The following PCNX2 variants were observed in gnomAD, a reference collection of about 807,000 sequenced individuals.
The protein encoded by PCNX2 is pecanex 2, also known as pecanex-like protein 2.
In PCNX2, 168 loss-of-function variants were observed where a neutral mutation model predicts 223.8. The ratio of observed to expected loss-of-function variants is 0.75; its 90% confidence interval spans 0.66 to 0.85. The LOEUF (loss-of-function observed/expected upper bound fraction) is 0.85. Ranked by LOEUF, PCNX2 falls within the 40% of genes least tolerant of loss-of-function variation. The pLI, the probability that PCNX2 is intolerant of heterozygous loss-of-function variation, is 0.00. For missense variants in PCNX2, 2,507 were observed against 2,675.5 expected (o/e 0.94, Z 1.39); for synonymous variants, 1,006 against 1,052.6 (o/e 0.96, Z 0.86).
At chr1:233,166,083 C>T (rs1003028766) in intron 17 of PCNX2, among the ~76,000 whole-genome samples, 8 of 151,714 alleles carry the variant, frequency 5.3e-5, no homozygotes, top group South Asian at 2.1e-4. Context: ...AATTGATTTT[C>T]GACAAAAGTG....
intron 15 of PCNX2, among the ~76,000 whole-genome samples, chr1:233,191,361 C>T (rs1186258718): frequency 2.0e-5 from 3 of 152,148 alleles, no homozygotes; most frequent in African/African-American, 7.2e-5. Context: ...TGCATGTTTC[C>T]GTTTCCATTA....
At chr1:233,143,210 G>A (rs1290227445) in intron 19 of PCNX2, among the ~76,000 whole-genome samples, 3 of 152,152 alleles carry the variant, frequency 2.0e-5, no homozygotes, top group African/African-American at 7.2e-5. Flanking sequence ...ACTTAGCCAT[G>A]CAGACAATAT....
At chr1:232,986,705 C>T (rs1476319700) in intron 32 of PCNX2, among the ~76,000 whole-genome samples, 165 bp from the exon 33 acceptor site, 2 of 152,288 alleles carry the variant, frequency 1.3e-5, no homozygotes, top group Non-Finnish European at 1.5e-5. Flanking sequence ...GCCTCACCCA[C>T]TCCCTCCCGC....
chr1:232,987,359 T>C (rs1050480035), intron 32 of PCNX2, among the ~76,000 whole-genome samples: 1 of 152,262 alleles, frequency 6.6e-6, no homozygotes, highest in African/African-American at 2.4e-5. Flanking sequence ...GGTTCAGCTT[T>C]GCAGTCTAAG....
chr1:233,273,093 A>G (rs1660728785), intron 1 of PCNX2, among the ~76,000 whole-genome samples: 1 of 151,940 alleles, frequency 6.6e-6, no homozygotes, highest in African/African-American at 2.4e-5. Flanking sequence ...AATCACCACT[A>G]AAGAACTTAC....
At chr1:233,325,414 T>C in the PCNX2 span, among the ~76,000 whole-genome samples, 1 of 151,694 alleles carries the variant, frequency 6.6e-6, no homozygotes, top group African/African-American at 2.4e-5. Context: ...ATCCCAGCAC[T>C]TTGGGAGGCC....
At chr1:233,067,011 A>G (rs1283790937) in intron 23 of PCNX2, among the ~76,000 whole-genome samples, 1 of 152,082 alleles carries the variant, frequency 6.6e-6, no homozygotes, top group Non-Finnish European at 1.5e-5. Flanking sequence ...TCCCATCTCA[A>G]GAGTCAATAG....
intron 23 of PCNX2, among the ~76,000 whole-genome samples, chr1:233,084,841 C>G (rs934060141): frequency 6.6e-6 from 1 of 152,154 alleles, no homozygotes; most frequent in African/African-American, 2.4e-5. Context: ...ACACAAAGCA[C>G]TATTATACAC....
At chr1:233,219,780 C>T (rs750232635) in intron 10 of PCNX2, among the ~76,000 whole-genome samples, 1 of 152,080 alleles carries the variant, frequency 6.6e-6, no homozygotes, top group Non-Finnish European at 1.5e-5. Flanking sequence ...AACATTAACA[C>T]ATCATTATCC....
chr1:233,207,352 T>G (rs1681535573), intron 13 of PCNX2, among the ~76,000 whole-genome samples: 1 of 152,148 alleles, frequency 6.6e-6, no homozygotes, highest in Admixed American at 6.5e-5. Context: ...TTGAGTAAGA[T>G]TTCCAGCTGG....
chr1:233,258,754 G>C lies in PCNX2; in HGVS notation c.1108C>G (p.Leu370Val). The C allele has an allele frequency of 6.2e-7, 1 of 1,613,872 alleles. No homozygotes were observed. Among genetic ancestry groups the C allele is most frequent in the Non-Finnish European group, 8.5e-7 (1 of 1,179,882 alleles). The change falls in exon 5 of 34, where the codon CTA (leucine) becomes GTA (valine). Residue 370 changes from leucine (L) to valine (V), a missense_variant. By Grantham distance (32) the Leu-to-Val change is conservative. Around this residue, in one of 3 missense-constraint regions of PCNX2, gnomAD observed 1,031 missense variants for 1,021.7 expected, o/e 1.01. Coordinates refer to ENST00000258229, the MANE Select transcript of PCNX2 (RefSeq NM_014801.4). ...ATAACAATTTTTATGGGCTCATGTA[G>C]ACTCAGTGGGTCTCCGGGTTGAGAA... Reference protein sequence around the residue: ...DTSQPGDPLSLHEPIKIVITM... With the variant: ...DTSQPGDPLSVHEPIKIVITM...
chr1:233,002,939 A>G (rs1179436149), intron 28 of PCNX2, among the ~76,000 whole-genome samples: 1 of 152,230 alleles, frequency 6.6e-6, no homozygotes, highest in Non-Finnish European at 1.5e-5. Flanking sequence ...TATTGGGAAA[A>G]CTGGCTAGCC....
At chr1:233,219,220 G>A (rs953763794) in intron 10 of PCNX2, among the ~76,000 whole-genome samples, 1 of 152,140 alleles carries the variant, frequency 6.6e-6, no homozygotes, top group African/African-American at 2.4e-5. Flanking sequence ...GGTAGAATAG[G>A]GAGGAAACTG....
chr1:233,102,639 C>A (rs1319586405), intron 21 of PCNX2, among the ~76,000 whole-genome samples: 2 of 152,072 alleles, frequency 1.3e-5, no homozygotes. Context: ...TTTTCATATA[C>A]TTGTTGCCCA....
intron 19 of PCNX2, among the ~76,000 whole-genome samples, chr1:233,155,965 G>C (rs1159969): frequency 6.6e-6 from 1 of 151,886 alleles, no homozygotes; most frequent in Admixed American, 6.6e-5. Context: ...CTTAGCTTGG[G>C]GGGAAATATG....
chr1:233,139,661 G>A lies in PCNX2; in HGVS notation c.3659+53C>T. The stretch of plus-strand genomic sequence containing the variant: ...CAGATTGTTTACAGAAAATTCACTC[G>A]ATTTTGAAAATGTGACCCAAATCAT... On this transcript the variant is annotated intron_variant, in intron 20 of 33. Transcript: ENST00000258229. The surrounding 1 kb of genome is among the most constrained non-coding windows in gnomAD (Gnocchi z 4.4). 2 of 1,523,498 alleles carry A rather than the reference G, an allele frequency of 1.3e-6. No homozygotes were observed. The highest frequency in any genetic ancestry group is 2.4e-5 in the East Asian group (1 of 41,458). The allele number at this position is 1,523,498 out of a possible 1,614,324, so 94.4% of individuals were successfully genotyped here.
the PCNX2 span, among the ~76,000 whole-genome samples, chr1:233,309,396 C>T: frequency 4.9e-4 from 74 of 151,742 alleles, no homozygotes; most frequent in Admixed American, 1.6e-3. Flanking sequence ...CAAAAATCAG[C>T]TGGGCGTGGT....
intron 23 of PCNX2, among the ~76,000 whole-genome samples, chr1:233,081,236 A>G (rs548928487): frequency 1.3e-4 from 20 of 152,240 alleles, no homozygotes; most frequent in East Asian, 1.9e-4. Flanking sequence ...AATCCCAGCT[A>G]TTTGGGAGGC....
intron 21 of PCNX2, among the ~76,000 whole-genome samples, chr1:233,098,393 T>C (rs546225887): frequency 6.4e-4 from 97 of 152,294 alleles, no homozygotes; most frequent in Middle Eastern, 3.4e-3. Context: ...GCAACTTGTA[T>C]TTACACATAA....
Sources: gnomAD v4.1 joint callset for allele counts (sites outside exome capture counted in the v4.1 genomes callset) on GRCh38, gnomAD v4.1.1 for gene constraint, gnomAD v4.1.1 regional missense constraint, Gnocchi (gnomAD v3.1) non-coding constraint, MANE v1.5 for transcripts, NCBI Gene and HGNC (gene_info 2026-07-23, HGNC 2026-07-21) for gene names.